The following GLIS3 variants were observed in gnomAD, a reference collection of about 807,000 sequenced individuals.
GLIS3 encodes GLIS family zinc finger 3.
In GLIS3, 53 loss-of-function variants were observed where a neutral mutation model predicts 78.6. The ratio of observed to expected loss-of-function variants is 0.67; its 90% CI spans 0.54 to 0.85. The LOEUF (loss-of-function observed/expected upper bound fraction) is 0.85, where lower values mean the gene tolerates loss of function less well. GLIS3 is among the 40% of genes least tolerant of loss of function. The pLI is 0.00. For synonymous variants in GLIS3, 684 were observed against 509.9 expected, an observed-to-expected ratio of 1.34 and a Z score of -4.60; for missense variants, 1,703 against 1,231.1, an observed-to-expected ratio of 1.38 and a Z score of -5.74.
At chr9:3,929,646 A>G (rs529520618) in intron 6 of GLIS3, among the ~76,000 whole-genome samples, 1 of 152,294 alleles carries the variant, frequency 6.6e-6, no homozygotes, top group East Asian at 1.9e-4. Flanking sequence ...AGCAGGGTAT[A>G]TTAAATAAGC....
intron 4 of GLIS3, among the ~76,000 whole-genome samples, chr9:4,050,102 A>C (rs1825606936): frequency 6.6e-6 from 1 of 152,206 alleles, no homozygotes; most frequent in South Asian, 2.1e-4. Flanking sequence ...TACTGGGTAT[A>C]TAACCAAAGG....
the GLIS3 span, among the ~76,000 whole-genome samples, chr9:4,362,690 G>A: frequency 6.6e-6 from 1 of 152,170 alleles, no homozygotes; most frequent in Non-Finnish European, 1.5e-5. Flanking sequence ...GCACCCTCAG[G>A]TAACGCCCCA....
chr9:4,116,897 A>G (rs1377928369), intron 4 of GLIS3, among the ~76,000 whole-genome samples: 1 of 152,228 alleles, frequency 6.6e-6, no homozygotes, highest in East Asian at 1.9e-4. Flanking sequence ...GAGATTGTGC[A>G]AAGCCATCCT....
At chr9:4,445,367 C>T in the GLIS3 span, among the ~76,000 whole-genome samples, 1 of 152,178 alleles carries the variant, frequency 6.6e-6, no homozygotes, top group Non-Finnish European at 1.5e-5. Context: ...TGGTTCACGC[C>T]TATAATCCCA....
At chr9:4,262,016 C>T (rs1427167997) in intron 2 of GLIS3, among the ~76,000 whole-genome samples, 1 of 152,104 alleles carries the variant, frequency 6.6e-6, no homozygotes, top group Non-Finnish European at 1.5e-5. Context: ...TTGTCTAGTG[C>T]TTAGAACATA....
In GLIS3 at chr9:4,117,906, G is replaced by T. The variant is rs763404302; in HGVS notation, c.1572C>A (p.Val524=). The change falls in exon 4 of 11, where the codon GTC becomes GTA. Residue 524 remains valine, a synonymous_variant. Coordinates refer to ENST00000381971, the MANE Select transcript of GLIS3 (RefSeq NM_001042413.2). Reference sequence around the variant, plus strand: ...CCTCCCCTTTGCGCTGGTCGATGTGGACCTTCTCGATGTGCCGCACGAGCT... The same window carrying T: ...CCTCCCCTTTGCGCTGGTCGATGTGTACCTTCTCGATGTGCCGCACGAGCT... ...QEELVRHIEK[V]HIDQRKGEDF... is the part of the protein sequence containing the mutation. The T allele has an allele frequency of 3.7e-6, 6 of 1,614,032 alleles. No homozygotes were observed. Among genetic ancestry groups the T allele is most frequent in the African/African-American group, 1.3e-5 (1 of 74,914 alleles).
intron 1 of GLIS3, among the ~76,000 whole-genome samples, chr9:4,294,060 T>C (rs540284392): frequency 1.4e-4 from 21 of 152,328 alleles, no homozygotes; most frequent in African/African-American, 4.3e-4. Context: ...CCTCCTCCTT[T>C]ATTTTGTTCT....
chr9:4,157,554 G>T (rs1035987227), intron 2 of GLIS3, among the ~76,000 whole-genome samples: 1 of 152,188 alleles, frequency 6.6e-6, no homozygotes, highest in African/African-American at 2.4e-5. Context: ...AGCATACATA[G>T]AGGCTTAAAT....
chr9:3,898,247 C>T, intron 7 of GLIS3: 1 of 243,890 alleles, frequency 4.1e-6, no homozygotes, highest in Non-Finnish European at 8.1e-6. Context: ...CATGAATGAA[C>T]ATTCTTATAA....
At chr9:4,194,908 G>A (rs953217548) in intron 2 of GLIS3, among the ~76,000 whole-genome samples, 4 of 152,236 alleles carry the variant, frequency 2.6e-5, no homozygotes, top group Admixed American at 6.5e-5. Context: ...AGAGCAGGAG[G>A]CCATTTTTAA....
intron 2 of GLIS3, among the ~76,000 whole-genome samples, chr9:4,271,775 C>G (rs1281192489): frequency 3.3e-5 from 5 of 152,122 alleles, no homozygotes; most frequent in Admixed American, 2.6e-4. Context: ...TCCTGCTCTG[C>G]TCACCATAAT....
At chr9:4,326,801 G>A (rs10814937) in intron 2 of GLIS3, among the ~76,000 whole-genome samples, 1 of 152,216 alleles carries the variant, frequency 6.6e-6, no homozygotes, top group South Asian at 2.1e-4. Context: ...CTGCGAAGGA[G>A]AAAGGTAGGT....
At chr9:4,354,166 G>A in the GLIS3 span, among the ~76,000 whole-genome samples, 1 of 151,992 alleles carries the variant, frequency 6.6e-6, no homozygotes, top group Non-Finnish European at 1.5e-5. Context: ...TAGCCAAGAG[G>A]GCTTTTTAAA....
intron 4 of GLIS3, chr9:4,034,579 G>T (rs1364710486): frequency 1.3e-5 from 2 of 152,162 alleles, no homozygotes; most frequent in African/African-American, 4.8e-5. Context: ...CACAGAAAGC[G>T]GTATCACAAT....
intron 2 of GLIS3, among the ~76,000 whole-genome samples, chr9:4,249,211 G>T (rs1042023531): frequency 6.6e-6 from 1 of 152,140 alleles, no homozygotes; most frequent in East Asian, 1.9e-4. Flanking sequence ...ATTACTTTGG[G>T]TAGTATGGCC....
At chr9:3,967,026 A>AAAAAAAC (rs1817999001) in intron 4 of GLIS3, among the ~76,000 whole-genome samples, 5 of 141,568 alleles carry the variant, frequency 3.5e-5, no homozygotes. Context: ...AAAAAAAAAA[A>AAAAAAAC]AAAAAAACAA....
intron 2 of GLIS3, among the ~76,000 whole-genome samples, chr9:4,237,938 G>A (rs552204089): frequency 2.0e-5 from 3 of 152,322 alleles, no homozygotes; most frequent in African/African-American, 4.8e-5. Context: ...CAAGGGACAA[G>A]ATGAATCCTT....
intron 4 of GLIS3, among the ~76,000 whole-genome samples, chr9:4,037,582 AC>A (rs1563973751): frequency 6.6e-6 from 1 of 150,602 alleles, no homozygotes; most frequent in African/African-American, 2.4e-5. Context: ...ACACACACAC[AC>A]AGAGACAATA....
At chr9:4,044,629 G>T (rs1016465582) in intron 4 of GLIS3, among the ~76,000 whole-genome samples, 9 of 152,294 alleles carry the variant, frequency 5.9e-5, no homozygotes, top group African/African-American at 1.9e-4. Flanking sequence ...TGCAGTCTGG[G>T]TTGGGTACAG....
Sources: allele counts gnomAD v4.1 joint callset (sites outside exome capture counted in the v4.1 genomes callset), GRCh38; gene constraint gnomAD v4.1.1; transcripts MANE v1.5; gene names NCBI Gene and HGNC (gene_info 2026-07-23, HGNC 2026-07-21).